The following SERINC5 variants were observed in gnomAD, a reference collection of about 807,000 sequenced individuals.
SERINC5 encodes serine incorporator 5.
SERINC5 carries 41 observed loss-of-function variants against 63.1 expected under a neutral mutation model. The observed-to-expected ratio is 0.65, with a 90% CI of 0.51 to 0.84. The LOEUF (loss-of-function observed/expected upper bound fraction) is 0.84. SERINC5 is among the 40% of genes least tolerant of loss of function. The probability of loss-of-function intolerance (pLI) is 0.00; values close to 1 mark genes in which losing one functional copy is unlikely to be tolerated. For synonymous variants in SERINC5, 222 were observed against 215.2 expected (o/e 1.03, Z -0.28); for missense variants, 523 against 573.0 (o/e 0.91, Z 0.89).
chr5:80,214,155 G>A (rs10036776), intron 1 of SERINC5, among the ~76,000 whole-genome samples: 50,507 of 151,958 alleles, frequency 0.33, 8,842 homozygotes, highest in East Asian at 0.53. Flanking sequence ...ATGGAAAGAC[G>A]TCCACACTGT....
chr5:80,122,211 A>ATATATATATATG, intron 11 of SERINC5, among the ~76,000 whole-genome samples: 1 of 147,540 alleles, frequency 6.8e-6, no homozygotes, highest in African/African-American at 2.6e-5. Flanking sequence ...ATATATATAT[A>ATATATATATATG]TAATATGAGT....
At chr5:80,181,648 T>G (rs1748435399) in intron 2 of SERINC5, among the ~76,000 whole-genome samples, 1 of 146,292 alleles carries the variant, frequency 6.8e-6, no homozygotes, top group South Asian at 2.2e-4. Flanking sequence ...AACTGTACAT[T>G]TTTTATGACT....
At chr5:80,152,044 T>A (rs765682746) in intron 8 of SERINC5, among the ~76,000 whole-genome samples, 2 of 152,208 alleles carry the variant, frequency 1.3e-5, no homozygotes, top group African/African-American at 2.4e-5. Context: ...TCTTTTGTGG[T>A]CCACTCAAGT....
At chr5:80,229,950 C>T (rs1751364542) in intron 1 of SERINC5, among the ~76,000 whole-genome samples, 2 of 152,146 alleles carry the variant, frequency 1.3e-5, no homozygotes, top group Non-Finnish European at 2.9e-5. Flanking sequence ...AAAAGGAAGG[C>T]CAGAGGTTTA....
intron 7 of SERINC5, among the ~76,000 whole-genome samples, chr5:80,165,456 G>A (rs973278388): frequency 6.6e-6 from 1 of 152,118 alleles, no homozygotes; most frequent in African/African-American, 2.4e-5. Flanking sequence ...GTGTATGTAT[G>A]TATATATGTA....
intron 1 of SERINC5, among the ~76,000 whole-genome samples, chr5:80,248,477 A>C (rs1752253634): frequency 6.6e-6 from 1 of 152,194 alleles, no homozygotes; most frequent in African/African-American, 2.4e-5. Flanking sequence ...AACAGGGCAT[A>C]ATTTAAACCT....
At chr5:80,226,546 C>T (rs1432511180) in intron 1 of SERINC5, among the ~76,000 whole-genome samples, 1 of 152,136 alleles carries the variant, frequency 6.6e-6, no homozygotes, top group Non-Finnish European at 1.5e-5. Flanking sequence ...AAAACAGGTG[C>T]ATGCACCTAC....
At chr5:80,227,813 C>T (rs1751237296) in intron 1 of SERINC5, among the ~76,000 whole-genome samples, 1 of 152,022 alleles carries the variant, frequency 6.6e-6, no homozygotes, top group African/African-American at 2.4e-5. Context: ...AGTGCCACTG[C>T]ACTCCAACCT....
At chr5:80,164,692 T>C (rs1428103053) in intron 7 of SERINC5, among the ~76,000 whole-genome samples, 1 of 152,090 alleles carries the variant, frequency 6.6e-6, no homozygotes, top group African/African-American at 2.4e-5. Context: ...CCCTGATCTT[T>C]GTTATTTCTT....
chr5:80,244,885 G>A (rs1168355507), intron 1 of SERINC5, among the ~76,000 whole-genome samples: 4 of 152,170 alleles, frequency 2.6e-5, no homozygotes, highest in East Asian at 1.9e-4. Flanking sequence ...CTGGAGTGTC[G>A]CAGATCAAAA....
intron 1 of SERINC5, among the ~76,000 whole-genome samples, chr5:80,231,831 T>C (rs1751450751): frequency 6.6e-6 from 1 of 152,136 alleles, no homozygotes; most frequent in Non-Finnish European, 1.5e-5. Context: ...CCAGGTGCAG[T>C]GGCTCATGCC....
At chr5:80,243,426 C>T (rs1398511383) in intron 1 of SERINC5, among the ~76,000 whole-genome samples, 1 of 152,034 alleles carries the variant, frequency 6.6e-6, no homozygotes, top group Admixed American at 6.6e-5. Flanking sequence ...ATTTCCCCTA[C>T]TTAACAAGAA....
chr5:80,130,237 G>A (rs913479892), intron 11 of SERINC5, among the ~76,000 whole-genome samples: 26 of 151,924 alleles, frequency 1.7e-4, no homozygotes, highest in African/African-American at 2.9e-4. Flanking sequence ...AAAACTAGCC[G>A]GGCCTGGTGG....
At chr5:80,222,646 C>G (rs1750966296) in intron 1 of SERINC5, among the ~76,000 whole-genome samples, 1 of 151,786 alleles carries the variant, frequency 6.6e-6, no homozygotes, top group African/African-American at 2.4e-5. Context: ...GATCTCGGCT[C>G]ACTGCAACCT....
chr5:80,176,810 T>A (rs901445147), intron 4 of SERINC5, among the ~76,000 whole-genome samples: 1 of 152,156 alleles, frequency 6.6e-6, no homozygotes. Flanking sequence ...CCACTGAAAT[T>A]CAGGTTTTTC....
chr5:80,233,029 T>G (rs1453439148), intron 1 of SERINC5, among the ~76,000 whole-genome samples: 1 of 152,222 alleles, frequency 6.6e-6, no homozygotes, highest in East Asian at 1.9e-4. Context: ...TAAGTTGTCA[T>G]GATGGTTCCA....
At chr5:80,166,914 G>A (rs1747337559) in intron 6 of SERINC5, 2 of 178,190 alleles carry the variant, frequency 1.1e-5, no homozygotes, top group African/African-American at 4.8e-5. Context: ...GATTCTACAA[G>A]GTCATCACAT....
At chr5:80,241,506 C>A (rs1561451157) in intron 1 of SERINC5, among the ~76,000 whole-genome samples, 1 of 152,014 alleles carries the variant, frequency 6.6e-6, no homozygotes, top group South Asian at 2.1e-4. Flanking sequence ...GGCATATAAA[C>A]ACAGTGAAAA....
In SERINC5 at chr5:80,142,601, C is replaced by A. The variant is rs1194266833; in HGVS notation, c.*1062G>T. ...AATTCTCACATTAGCAAACCTACTC[C>A]AAGGATGCCAGCATGAACCTGAACG... On this transcript the variant is annotated 3_prime_UTR_variant, in exon 12 of 12. Coordinates refer to ENST00000507668, the MANE Select transcript of SERINC5 (RefSeq NM_001174072.3). 3 of 985,270 alleles carry A rather than the reference C, an allele frequency of 3.0e-6. No individual in the cohort carries two copies. Among genetic ancestry groups the A allele is most frequent in the Non-Finnish European group, 3.6e-6 (3 of 829,924 alleles). 61.0% of individuals were successfully genotyped at this position (985,270 alleles called of 1,614,324 possible). A position where few individuals can be genotyped will look rare whatever the true frequency, so the allele number is the denominator to read the frequency against.
Sources: allele counts gnomAD v4.1 joint callset (sites outside exome capture counted in the v4.1 genomes callset), GRCh38; gene constraint gnomAD v4.1.1; transcripts MANE v1.5; gene names NCBI Gene and HGNC (gene_info 2026-07-23, HGNC 2026-07-21).